XKR9: variants seen among roughly 807,000 people sequenced by gnomAD.
XKR9 encodes the protein XK related 9.
A neutral mutation model predicts 32.0 loss-of-function variants in XKR9; 32 were observed. The ratio of observed to expected loss-of-function variants is 1.00; its 90% CI spans 0.76 to 1.34. The LOEUF (loss-of-function observed/expected upper bound fraction) is 1.34, where lower values mean the gene tolerates loss of function less well. Ranked by LOEUF, XKR9 falls within the 40% of genes most tolerant of loss-of-function variation. The pLI is 0.00. For missense variants in XKR9, 546 were observed against 429.7 expected (o/e 1.27, Z -2.39); for synonymous variants, 168 against 143.4 (o/e 1.17, Z -1.22).
chr8:70,838,899 C>T, the XKR9 span, among the ~76,000 whole-genome samples: 1 of 150,452 alleles, frequency 6.6e-6, no homozygotes, highest in Non-Finnish European at 1.5e-5. Context: ...TGTGATTAAG[C>T]AACCTTGTAT....
the XKR9 span, among the ~76,000 whole-genome samples, chr8:70,844,118 A>C: frequency 6.6e-6 from 1 of 152,208 alleles, no homozygotes; most frequent in African/African-American, 2.4e-5. Flanking sequence ...CTCTCTGTAG[A>C]GTCTGAGAAC....
the XKR9 span, among the ~76,000 whole-genome samples, chr8:70,861,647 A>C: frequency 0.32 from 48,452 of 151,874 alleles, 9,087 homozygotes; most frequent in Non-Finnish European, 0.43. Flanking sequence ...CAGAGTAAGA[A>C]CCTGAACCTA....
chr8:70,794,726 T>A (rs1807806491), downstream of XKR9, among the ~76,000 whole-genome samples: 1 of 151,872 alleles, frequency 6.6e-6, no homozygotes, highest in Non-Finnish European at 1.5e-5. Context: ...TCTTATATGG[T>A]GTCTACTCCT....
the XKR9 span, among the ~76,000 whole-genome samples, chr8:70,935,122 C>CAT: frequency 7.8e-6 from 1 of 127,804 alleles, no homozygotes; most frequent in African/African-American, 3.3e-5. Context: ...TATATATATA[C>CAT]ACACACACAC....
At chr8:70,890,040 A>C in the XKR9 span, among the ~76,000 whole-genome samples, 1 of 152,024 alleles carries the variant, frequency 6.6e-6, no homozygotes, top group Non-Finnish European at 1.5e-5. Flanking sequence ...TCCCACAACC[A>C]GTGTATCAGC....
the XKR9 span, among the ~76,000 whole-genome samples, chr8:70,842,803 T>C: frequency 0.54 from 82,115 of 152,106 alleles, 23,145 homozygotes; most frequent in Middle Eastern, 0.62. Flanking sequence ...CTGGCTCCAA[T>C]ACCATCTTCA....
the XKR9 span, among the ~76,000 whole-genome samples, chr8:70,814,109 A>G: frequency 6.6e-6 from 1 of 152,230 alleles, no homozygotes; most frequent in Non-Finnish European, 1.5e-5. Context: ...AATACTATGC[A>G]GCCATAAAAA....
intron 2 of XKR9, among the ~76,000 whole-genome samples, chr8:70,753,438 C>G (rs1438952122): frequency 6.6e-6 from 1 of 151,994 alleles, no homozygotes; most frequent in Non-Finnish European, 1.5e-5. Flanking sequence ...ATCCGGATAC[C>G]AAAGCCTGGC....
the XKR9 span, among the ~76,000 whole-genome samples, chr8:71,007,149 A>T: frequency 6.6e-6 from 1 of 152,142 alleles, no homozygotes; most frequent in Non-Finnish European, 1.5e-5. Flanking sequence ...TGTATGTGGG[A>T]TTAGAGGGTG....
chr8:70,915,788 G>A, the XKR9 span, among the ~76,000 whole-genome samples: 3 of 152,164 alleles, frequency 2.0e-5, no homozygotes, highest in African/African-American at 4.8e-5. Flanking sequence ...CAGAGGACTT[G>A]TAGACAGAAA....
chr8:70,685,322 A>T (rs1192065680), intron 3 of XKR9, among the ~76,000 whole-genome samples: 1 of 118,048 alleles, frequency 8.5e-6, no homozygotes, highest in African/African-American at 3.5e-5. Context: ...AGGAAGGGGA[A>T]CATCACACCC....
At chr8:70,790,037 G>T (rs1186433793) in intron 3 of XKR9, 3 of 147,666 alleles carry the variant, frequency 2.0e-5, no homozygotes, top group African/African-American at 7.5e-5. Flanking sequence ...AGTCACCTTT[G>T]ACAATTGTTT....
At chr8:70,769,554 C>T (rs1807424638) in intron 2 of XKR9, among the ~76,000 whole-genome samples, 1 of 152,034 alleles carries the variant, frequency 6.6e-6, no homozygotes, top group South Asian at 2.1e-4. Flanking sequence ...TTCCATTCTC[C>T]CCATCAGTTT....
chr8:70,692,819 A>G (rs1022247801), intron 3 of XKR9, among the ~76,000 whole-genome samples: 1 of 151,996 alleles, frequency 6.6e-6, no homozygotes, highest in South Asian at 2.1e-4. Context: ...ACCTCAGGTG[A>G]TCTGCCCGCC....
chr8:70,935,194 T>C, the XKR9 span, among the ~76,000 whole-genome samples: 13 of 49,348 alleles, frequency 2.6e-4, no homozygotes, highest in Admixed American at 1.5e-3. Context: ...CATATATATA[T>C]ACATATACAT....
chr8:70,967,223 C>T, the XKR9 span, among the ~76,000 whole-genome samples: 11 of 152,042 alleles, frequency 7.2e-5, no homozygotes, highest in South Asian at 4.2e-4. Flanking sequence ...CCAGCATGCC[C>T]GGCTAATTTT....
chr8:70,696,922 A>G (rs886453860), intron 3 of XKR9, among the ~76,000 whole-genome samples: 6 of 149,008 alleles, frequency 4.0e-5, no homozygotes, highest in South Asian at 2.1e-4. Context: ...TGGATTCCTA[A>G]GTATTTTATT....
At chr8:70,986,207 C>T in the XKR9 span, among the ~76,000 whole-genome samples, 3 of 152,172 alleles carry the variant, frequency 2.0e-5, no homozygotes, top group Admixed American at 6.5e-5. Flanking sequence ...TATTTATTCT[C>T]ATTTAAACTT....
At chr8:70,925,294 A>C in the XKR9 span, among the ~76,000 whole-genome samples, 23 of 152,324 alleles carry the variant, frequency 1.5e-4, no homozygotes, top group African/African-American at 5.5e-4. Flanking sequence ...TCAATAGCAT[A>C]TATAAGCCTC....
Sources: gnomAD v4.1 joint callset for allele counts (sites outside exome capture counted in the v4.1 genomes callset) on GRCh38, gnomAD v4.1.1 for gene constraint, MANE v1.5 for transcripts, NCBI Gene and HGNC (gene_info 2026-07-23, HGNC 2026-07-21) for gene names.